The following DSC1 variants were observed in gnomAD, a reference collection of about 807,000 sequenced individuals.
DSC1 encodes desmocollin 1.
Under a neutral mutation model 98.8 loss-of-function variants are expected in DSC1, and 79 were observed. The ratio of observed to expected loss-of-function variants is 0.80; its 90% CI spans 0.67 to 0.96. The LOEUF is 0.96. Ranked by LOEUF, DSC1 falls within the 50% of genes least tolerant of loss-of-function variation. The pLI, the probability that DSC1 is intolerant of heterozygous loss-of-function variation, is 0.00. For synonymous variants in DSC1, 405 were observed against 372.1 expected (o/e 1.09, Z -1.02); for missense variants, 1,115 against 1,075.9 (o/e 1.04, Z -0.51).
chr18:31,131,732 G>T lies in DSC1; in HGVS notation c.2349C>A (p.Val783=). 1 of 1,614,026 alleles carries T rather than the reference G, an allele frequency of 6.2e-7. No homozygotes were observed. The highest frequency in any genetic ancestry group is 1.1e-5 in the South Asian group (1 of 91,068). The change falls in exon 15 of 16, where the codon GTC becomes GTA. Residue 783 remains valine (V), a synonymous_variant. Coordinates refer to ENST00000257198, the MANE Select transcript of DSC1 (RefSeq NM_024421.2). ...GIKTQQSFEM[V]KGGYTLDSNK... The stretch of plus-strand genomic sequence containing the variant: ...TGGAATCCAAAGTGTAGCCTCCTTT[G>T]ACCATCTCAAAACTTTGCTGTGTTT...
chr18:31,150,419 C>CCAGCA (rs1988973182), intron 5 of DSC1, among the ~76,000 whole-genome samples: 1 of 19,586 alleles, frequency 5.1e-5, no homozygotes. Context: ...CACATCATCA[C>CCAGCA]TGCTACCACT....
At chr18:31,154,656 A>G in intron 5 of DSC1, 118 bp downstream of exon 5, 1 of 961,158 alleles carries the variant, frequency 1.0e-6, no homozygotes, top group East Asian at 2.8e-5. Context: ...TTGCATATTA[A>G]TATCTTGAAT....
chr18:31,161,713 A>C (rs1989212532), intron 1 of DSC1, among the ~76,000 whole-genome samples: 1 of 152,194 alleles, frequency 6.6e-6, no homozygotes, highest in African/African-American at 2.4e-5. Flanking sequence ...AACTTGTACT[A>C]ACTTAAGATG....
At chr18:31,158,249 A>G (rs1001318004) in intron 2 of DSC1, among the ~76,000 whole-genome samples, 1 of 152,234 alleles carries the variant, frequency 6.6e-6, no homozygotes, top group Admixed American at 6.5e-5. Flanking sequence ...CCTGGGCAAC[A>G]GAGCAAGACT....
In DSC1 at chr18:31,143,687, AT is replaced by A. The variant is rs1567999810; in HGVS notation, c.1043del (p.Asn348MetfsTer16). ...TTTCTGTGAAAGATGGTGGATTGTC[AT>A]TTTCATCCTCAAGTGAAATAGTAAT... is the stretch of plus-strand genomic sequence containing the variant. The part of the protein sequence containing the change: ...GTITISLEDE[N>X]DNPPSFTETS... On this transcript the variant is annotated frameshift_variant, in exon 8 of 16. Transcript: ENST00000257198. LOFTEE classifies it high-confidence loss of function. 6.3e-7 allele frequency: 1 copy of A among 1,592,558 alleles called. No homozygotes were observed. Among genetic ancestry groups the A allele is most frequent in the Non-Finnish European group, 8.6e-7 (1 of 1,168,612 alleles).
chr18:31,130,599 T>A lies in DSC1; in HGVS notation c.2600A>T (p.Asp867Val), dbSNP rs1988464750. 6.2e-7 allele frequency: 1 copy of A among 1,614,082 alleles called. No homozygotes were observed. Among genetic ancestry groups the A allele is most frequent in the Non-Finnish European group, 8.5e-7 (1 of 1,180,040 alleles). The change falls in exon 16 of 16, where the codon GAT becomes GTT. Residue 867 changes from aspartate (D) to valine (V), a missense_variant. Physicochemically the swap from Asp to Val is radical, Grantham distance 152 (BLOSUM62 -3). Transcript: ENST00000257198. ...CTCCAGTCCCTCTTCTTCCTGCCGA[T>A]CGCTGCAGCAACCTACTGAGCCGGC... ...SLAGSVGCCS[D>V]RQEEEGLEFL...
At position 31,129,240 on chromosome 18, in the gene DSC1, T is replaced by G. The variant is rs2047426504; in HGVS notation, c.*1274A>C. The G allele has an allele frequency of 6.6e-6, 1 of 150,408 alleles. No homozygotes were observed. Among genetic ancestry groups the G allele is most frequent in the Admixed American group, 6.6e-5 (1 of 15,096 alleles). 9.3% of individuals were successfully genotyped at this position (150,408 alleles called of 1,614,324 possible). A position where few individuals can be genotyped will look rare whatever the true frequency, so the allele number is the denominator to read the frequency against. On this transcript the variant is annotated 3_prime_UTR_variant, in exon 16 of 16. Transcript: ENST00000257198. ...TGTTGCTGTAATTGATTTCAATTTT[T>G]TTTTTTTTTTTTGAGACGGAGTTTC...
At chr18:31,155,577 C>A (rs573259187) in intron 4 of DSC1, among the ~76,000 whole-genome samples, 1 of 152,182 alleles carries the variant, frequency 6.6e-6, no homozygotes, top group Non-Finnish European at 1.5e-5. Context: ...TTGCGGTGAG[C>A]TGAGCTGATG....
chr18:31,152,471 T>A (rs1568003707), intron 5 of DSC1, among the ~76,000 whole-genome samples: 1 of 152,214 alleles, frequency 6.6e-6, no homozygotes, highest in Non-Finnish European at 1.5e-5. Context: ...GAATATGGCT[T>A]ATATAAAATC....
In DSC1 at chr18:31,140,060, GA is replaced by G. The variant is rs765862049; in HGVS notation, c.1501del (p.Ser501ProfsTer6). 2 of 1,613,906 alleles carry G rather than the reference GA, an allele frequency of 1.2e-6. No individual in the cohort carries two copies. Among genetic ancestry groups the G allele is most frequent in the Non-Finnish European group, 1.7e-6 (2 of 1,179,910 alleles). On this transcript the variant is annotated frameshift_variant, in exon 10 of 16. Transcript: ENST00000257198. LOFTEE classifies it high-confidence loss of function. ...ACATCACCTTAAGCCTTCACCACTG[GA>G]TATTTCCGGGTCCAGTGCTTTGTAT... ...LGYKALDPEI[S>X]SGEGLRYQKL...
At chr18:31,162,313 A>G (rs1989224881) in intron 1 of DSC1, among the ~76,000 whole-genome samples, 1 of 152,014 alleles carries the variant, frequency 6.6e-6, no homozygotes, top group African/African-American at 2.4e-5. Flanking sequence ...AACTTTTAAC[A>G]CTCTGGCAGT....
At chr18:31,150,274 T>TCATCATCAGC (rs1988949458) in intron 5 of DSC1, among the ~76,000 whole-genome samples, 2 of 37,998 alleles carry the variant, frequency 5.3e-5, no homozygotes, top group Non-Finnish European at 1.0e-4. Flanking sequence ...TCATCACCAC[T>TCATCATCAGC]ACCATCACCA....
intron 11 of DSC1, among the ~76,000 whole-genome samples, chr18:31,136,188 C>G (rs1988604955): frequency 6.6e-6 from 1 of 151,838 alleles, no homozygotes; most frequent in African/African-American, 2.4e-5. Context: ...CAGAAAATAG[C>G]AAATAAAGTT....
Position 31,148,643 on chromosome 18 carries a change from C to A in DSC1, c.628-1G>T. 2 of 1,568,146 alleles carry A rather than the reference C, an allele frequency of 1.3e-6. No homozygotes were observed. The highest frequency in any genetic ancestry group is 1.2e-5 in the South Asian group (1 of 84,932). On this transcript the variant is annotated splice_acceptor_variant, in intron 5 of 15. Transcript: ENST00000257198. LOFTEE classifies it high-confidence loss of function. ...CTGCAGTTGTTGCATAGCCATATAACTGAAAGAAGGGAAAATACCATCAAT... is the reference window on the plus strand; with the variant it reads ...CTGCAGTTGTTGCATAGCCATATAAATGAAAGAAGGGAAAATACCATCAAT...
Position 31,133,967 on chromosome 18 carries a change from T to C in DSC1, c.2040A>G (p.Thr680=). 2 of 1,613,438 alleles carry C rather than the reference T, an allele frequency of 1.2e-6. No homozygotes were observed. Among genetic ancestry groups the C allele is most frequent in the Non-Finnish European group, 1.7e-6 (2 of 1,179,632 alleles). Residue 680 remains threonine, a synonymous_variant, in exon 13 of 16, where the codon ACA becomes ACG. Coordinates refer to ENST00000257198, the MANE Select transcript of DSC1 (RefSeq NM_024421.2). ...GTATTACATTTGGTCTAACGTCTCT[T>C]GTACTTTTATCCTTCATTCTACACT... is the stretch of plus-strand genomic sequence containing the variant. ...PSECRMKDKS[T]RDVRPNVILG...
intron 5 of DSC1, chr18:31,150,781 G>A (rs1374578247): frequency 2.0e-5 from 3 of 152,092 alleles, no homozygotes; most frequent in African/African-American, 7.2e-5. Flanking sequence ...CTATAAAATG[G>A]TTTTATATCT....
intron 9 of DSC1, 77 bp from the exon 10 acceptor site, chr18:31,140,378 A>G: frequency 7.1e-7 from 1 of 1,408,652 alleles, no homozygotes; most frequent in South Asian, 1.5e-5. Flanking sequence ...TTTCCTACAA[A>G]GGAATATCAT....
chr18:31,162,561 A>C lies in DSC1; in HGVS notation c.34T>G (p.Phe12Val). 6.2e-7 allele frequency: 1 copy of C among 1,614,154 alleles called. No homozygotes were observed. The highest frequency in any genetic ancestry group is 8.5e-7 in the Non-Finnish European group (1 of 1,180,014). ...AGAGAGAAAAGGAGCTGCTTACAGA[A>C]GATGCTCCCTGGGGCAGCAGAGGCC... ...ALASAAPGSIFCKQLLFSLLV... is the reference protein window; with the variant it reads ...ALASAAPGSIVCKQLLFSLLV... The change falls in exon 1 of 16, where the codon TTC (phenylalanine) becomes GTC (valine). Residue 12 changes from phenylalanine (F) to valine (V), a missense_variant. Physicochemically the swap from Phe to Val is conservative, Grantham distance 50. Coordinates refer to ENST00000257198, the MANE Select transcript of DSC1 (RefSeq NM_024421.2).
At chr18:31,158,660 T>C (rs1443690933) in intron 2 of DSC1, among the ~76,000 whole-genome samples, 1 of 152,182 alleles carries the variant, frequency 6.6e-6, no homozygotes, top group Non-Finnish European at 1.5e-5. Flanking sequence ...ACCAAAACTG[T>C]ATTTGATTTT....
Sources: gnomAD v4.1 joint callset for allele counts (sites outside exome capture counted in the v4.1 genomes callset) on GRCh38, gnomAD v4.1.1 for gene constraint, MANE v1.5 for transcripts, NCBI Gene and HGNC (gene_info 2026-07-23, HGNC 2026-07-21) for gene names.